Variants in SHANK2 observed in about 807,000 individuals in gnomAD.
The protein encoded by SHANK2 is SH3 and multiple ankyrin repeat domains 2.
A neutral mutation model predicts 133.7 loss-of-function variants in SHANK2; 43 were observed. The observed-to-expected ratio is 0.32, with a 90% CI of 0.25 to 0.41. SHANK2 has a LOEUF of 0.41. SHANK2 is among the 10% of genes least tolerant of loss of function. SHANK2 has a pLI of 1.00. For missense variants in SHANK2, 1,994 were observed against 2,235.8 expected (o/e 0.89, Z 2.18); for synonymous variants, 1,017 against 952.8 (o/e 1.07, Z -1.24).
intron 14 of SHANK2, among the ~76,000 whole-genome samples, chr11:70,768,298 G>A (rs1947170458): frequency 6.6e-6 from 1 of 152,260 alleles, no homozygotes; most frequent in Non-Finnish European, 1.5e-5. Flanking sequence ...GTGAAGTAGT[G>A]ATGGAGGAAG....
At chr11:70,800,475 G>C (rs72937503) in intron 13 of SHANK2, among the ~76,000 whole-genome samples, 22,635 of 152,200 alleles carry the variant, frequency 0.15, 2,023 homozygotes, top group African/African-American at 0.24. Flanking sequence ...CAACAGCCCT[G>C]CTGAAAGAGG....
chr11:70,822,726 C>T (rs572321033), intron 11 of SHANK2, among the ~76,000 whole-genome samples: 4 of 91,676 alleles, frequency 4.4e-5, no homozygotes, highest in East Asian at 3.5e-4. Flanking sequence ...ACAGAGGTGG[C>T]GCTGGCAGAG....
intron 21 of SHANK2, among the ~76,000 whole-genome samples, chr11:70,499,155 G>T (rs1186682689): frequency 6.6e-6 from 1 of 152,266 alleles, no homozygotes; most frequent in Non-Finnish European, 1.5e-5. Flanking sequence ...TCGCATGTGC[G>T]CCATGGGATG....
chr11:70,599,596 A>G (rs1400133669), intron 17 of SHANK2, among the ~76,000 whole-genome samples: 1 of 64,610 alleles, frequency 1.5e-5, no homozygotes, highest in African/African-American at 5.3e-5. Flanking sequence ...CGACAGCGAG[A>G]CTCCGTCTCA....
chr11:71,069,385 C>T (rs1360087821), intron 9 of SHANK2, among the ~76,000 whole-genome samples: 1 of 151,870 alleles, frequency 6.6e-6, no homozygotes, highest in Non-Finnish European at 1.5e-5. Flanking sequence ...ATCATCAACA[C>T]CTTCATCATT....
intron 22 of SHANK2, among the ~76,000 whole-genome samples, chr11:70,491,153 G>C (rs2058881812): frequency 6.6e-6 from 1 of 152,240 alleles, no homozygotes; most frequent in African/African-American, 2.4e-5. Flanking sequence ...CAAACCTGTA[G>C]TGTTGAAGGC....
chr11:70,543,126 T>C (rs1427031158), intron 17 of SHANK2, among the ~76,000 whole-genome samples: 2 of 152,126 alleles, frequency 1.3e-5, no homozygotes, highest in Admixed American at 1.3e-4. Flanking sequence ...GAACTGCAGT[T>C]TGATGGCCGG....
chr11:70,552,004 T>A (rs1297609085), intron 17 of SHANK2, among the ~76,000 whole-genome samples: 1 of 152,028 alleles, frequency 6.6e-6, no homozygotes, highest in African/African-American at 2.4e-5. Context: ...CCTCCTGGGG[T>A]CTGTACATTT....
chr11:70,798,593 G>A, intron 13 of SHANK2, 37 bp from the exon 14 acceptor site: 2 of 717,416 alleles, frequency 2.8e-6, no homozygotes, highest in Non-Finnish European at 5.2e-6. Flanking sequence ...TTAGCAGGGG[G>A]GACGTGGAGG....
Position 70,487,595 on chromosome 11 carries a change from G to A in SHANK2, c.2698C>T (p.Pro900Ser). 2 of 1,612,688 alleles carry A rather than the reference G, an allele frequency of 1.2e-6. No homozygotes were observed. Among genetic ancestry groups the A allele is most frequent in the Non-Finnish European group, 1.7e-6 (2 of 1,179,428 alleles). Reference protein sequence around the residue: ...PPQSVPPSPPPPSPTTYNCPK... With the variant: ...PPQSVPPSPPSPSPTTYNCPK... Reference sequence around the variant, plus strand: ...CAGTTGTAAGTGGTTGGGGAAGGTGGTGGTGGGGACGGGGGCACAGACTGC... The same window carrying A: ...CAGTTGTAAGTGGTTGGGGAAGGTGATGGTGGGGACGGGGGCACAGACTGC... The change falls in exon 25 of 26, where the codon CCA becomes TCA. Residue 900 changes from proline to serine, a missense_variant. Physicochemically the swap from Pro to Ser is moderately conservative, Grantham distance 74. Coordinates refer to ENST00000601538, the MANE Select transcript of SHANK2 (RefSeq NM_012309.5). This position sits in a 1 kb window ranked among gnomAD's most constrained non-coding sequence, Gnocchi z 5.8.
chr11:70,638,728 C>T (rs949581380), intron 17 of SHANK2, among the ~76,000 whole-genome samples: 7 of 152,114 alleles, frequency 4.6e-5, no homozygotes, highest in Non-Finnish European at 8.8e-5. Context: ...AGAGTCCAGC[C>T]GGGCACGGTG....
chr11:70,586,995 A>G (rs1323403039), intron 17 of SHANK2, among the ~76,000 whole-genome samples: 3 of 152,062 alleles, frequency 2.0e-5, no homozygotes, highest in African/African-American at 4.8e-5. Context: ...GTCATTCTCC[A>G]TGCACCGCTG....
At chr11:71,153,002 A>G (rs1237697187) in intron 2 of SHANK2, among the ~76,000 whole-genome samples, 1 of 152,206 alleles carries the variant, frequency 6.6e-6, no homozygotes, top group East Asian at 1.9e-4. Flanking sequence ...ATTGCGTGGG[A>G]CATTCTTATA....
At chr11:70,789,892 T>C (rs1947752172) in intron 14 of SHANK2, among the ~76,000 whole-genome samples, 1 of 152,314 alleles carries the variant, frequency 6.6e-6, no homozygotes, top group South Asian at 2.1e-4. Flanking sequence ...GATAGTCAAG[T>C]CTTTTGTTTG....
intron 8 of SHANK2, among the ~76,000 whole-genome samples, chr11:71,084,720 G>C (rs982602627): frequency 2.6e-5 from 4 of 152,240 alleles, no homozygotes; most frequent in Non-Finnish European, 4.4e-5. Flanking sequence ...GAGTGGTTTG[G>C]ATGTGAGAAC....
At chr11:70,775,224 G>A (rs377755734) in intron 14 of SHANK2, among the ~76,000 whole-genome samples, 7 of 152,194 alleles carry the variant, frequency 4.6e-5, no homozygotes, top group African/African-American at 9.6e-5. Flanking sequence ...TTGAGAGGCC[G>A]AGGCAGGCGG....
Position 70,486,522 on chromosome 11 carries a change from C to G in SHANK2, c.3771G>C (p.Leu1257=). The change falls in exon 25 of 26, where the codon CTG becomes CTC. Residue 1257 remains leucine, a synonymous_variant. Coordinates refer to ENST00000601538, the MANE Select transcript of SHANK2 (RefSeq NM_012309.5). The surrounding 1 kb of genome is among the most constrained non-coding windows in gnomAD (Gnocchi z 8.0). ...TGGTGACCGTAGGGAAGCCGGCATC[C>G]AGGCTGGGCCGCATTTTGGTATCAA... ...LYIDTKMRPS[L]DAGFPTVTRQ... is the part of the protein sequence containing the mutation. The G allele has an allele frequency of 6.2e-7, 1 of 1,614,184 alleles. No individual in the cohort carries two copies. The highest frequency in any genetic ancestry group is 8.5e-7 in the Non-Finnish European group (1 of 1,180,050).
chr11:70,516,908 T>C (rs2059273115), intron 17 of SHANK2, among the ~76,000 whole-genome samples: 1 of 151,834 alleles, frequency 6.6e-6, no homozygotes, highest in Non-Finnish European at 1.5e-5. Context: ...CCCCGTCTCT[T>C]ATAAAAGTAC....
At position 70,551,699 on chromosome 11, in the gene SHANK2, T is replaced by C. The variant is rs190704722; in HGVS notation, c.2062-48768A>G. Among the ~76,000 whole-genome samples the C allele has an allele frequency of 2.0e-5, 3 of 152,236 alleles. No individual in the cohort carries two copies. In the East Asian group the frequency reaches 5.8e-4, roughly 29 times the overall value. On this transcript the variant is annotated intron_variant, in intron 17 of 25. Coordinates refer to ENST00000601538, the MANE Select transcript of SHANK2 (RefSeq NM_012309.5). ...TTGTACTAAGACACTAAAATAAATA[T>C]GCTCCATCAACATGAAGCATAGCCC... is the stretch of plus-strand genomic sequence containing the variant.
Sources: gnomAD v4.1 joint callset for allele counts (sites outside exome capture counted in the v4.1 genomes callset) on GRCh38, gnomAD v4.1.1 for gene constraint, Gnocchi (gnomAD v3.1) non-coding constraint, MANE v1.5 for transcripts, NCBI Gene and HGNC (gene_info 2026-07-23, HGNC 2026-07-21) for gene names.